The following JAKMIP2 variants were observed in gnomAD, a reference collection of about 807,000 sequenced individuals.
The protein encoded by JAKMIP2 is janus kinase and microtubule-interacting protein 2.
In JAKMIP2, 25 loss-of-function variants were observed where a neutral mutation model predicts 115.0. The observed-to-expected ratio is 0.22, with a 90% CI of 0.16 to 0.30. The LOEUF is 0.30. Among genes scored for constraint, JAKMIP2 ranks in the 10% least tolerant of loss-of-function variants. The pLI is 1.00. For synonymous variants in JAKMIP2, 334 were observed against 343.6 expected, an observed-to-expected ratio of 0.97 and a Z score of 0.31; for missense variants, 642 against 957.6, an observed-to-expected ratio of 0.67 and a Z score of 4.35.
chr5:147,605,925 T>A (rs1755985734), intron 20 of JAKMIP2, among the ~76,000 whole-genome samples: 1 of 152,246 alleles, frequency 6.6e-6, no homozygotes, highest in Admixed American at 6.5e-5. Context: ...TGCATTTCTC[T>A]AATGACCAGT....
chr5:147,725,363 T>C (rs1753477413), intron 1 of JAKMIP2, among the ~76,000 whole-genome samples: 1 of 152,136 alleles, frequency 6.6e-6, no homozygotes, highest in South Asian at 2.1e-4. Context: ...GGAGTGGCCA[T>C]TCTTTATTCT....
chr5:147,674,035 C>A (rs1404742939), intron 1 of JAKMIP2, among the ~76,000 whole-genome samples: 1 of 152,116 alleles, frequency 6.6e-6, no homozygotes, highest in African/African-American at 2.4e-5. Flanking sequence ...TATATACATA[C>A]AACACTTTAC....
chr5:147,647,856 C>A (rs1207604812), intron 5 of JAKMIP2, among the ~76,000 whole-genome samples: 1 of 152,156 alleles, frequency 6.6e-6, no homozygotes, highest in Admixed American at 6.5e-5. Flanking sequence ...TGTAGAAGCA[C>A]TGTTCTTCTC....
chr5:147,627,269 G>C (rs1224797484), intron 16 of JAKMIP2, among the ~76,000 whole-genome samples: 1 of 152,132 alleles, frequency 6.6e-6, no homozygotes, highest in African/African-American at 2.4e-5. Context: ...GGGCTTGGAT[G>C]AACAGGCAGG....
intron 1 of JAKMIP2, among the ~76,000 whole-genome samples, chr5:147,700,298 T>A: frequency 6.6e-6 from 1 of 151,646 alleles, no homozygotes; most frequent in African/African-American, 2.4e-5. Context: ...AATCAAACCT[T>A]TAGGATGGAG....
chr5:147,619,687 T>G (rs959472818), intron 18 of JAKMIP2, among the ~76,000 whole-genome samples: 3 of 152,178 alleles, frequency 2.0e-5, no homozygotes, highest in Admixed American at 6.5e-5. Context: ...TAGAGGGGAA[T>G]GGATCACATG....
intron 1 of JAKMIP2, among the ~76,000 whole-genome samples, chr5:147,748,306 C>G (rs1754425518): frequency 6.6e-6 from 1 of 152,098 alleles, no homozygotes; most frequent in Non-Finnish European, 1.5e-5. Flanking sequence ...AGAACAGTTT[C>G]TGGCCAATTC....
rs1366567348 is a variant in JAKMIP2, at chr5:147,650,472, G to A, written c.703C>T (p.Gln235Ter). 6.2e-7 allele frequency: 1 copy of A among 1,613,728 alleles called. No individual in the cohort carries two copies. The highest frequency in any genetic ancestry group is 8.5e-7 in the Non-Finnish European group (1 of 1,179,806). ...GCCTCCTTCTGAAGTTGGAGTTTCT[G>A]TACATAGCCTGTCTGGGTCTCCAGT... is the stretch of plus-strand genomic sequence containing the variant. ...KELETQTGYV[Q>*]KLQLQKEALD... Residue 235 changes from glutamine to a stop codon, truncating the protein, a stop_gained, in exon 4 of 22, where the codon CAG becomes TAG. Transcript: ENST00000616793. LOFTEE classifies it high-confidence loss of function.
At chr5:147,687,625 A>G (rs1429471299) in intron 1 of JAKMIP2, among the ~76,000 whole-genome samples, 1 of 152,220 alleles carries the variant, frequency 6.6e-6, no homozygotes, top group Non-Finnish European at 1.5e-5. Flanking sequence ...AACATGCAGA[A>G]GGAGGAGAGA....
At chr5:147,612,092 C>A in intron 20 of JAKMIP2, 2 of 710,002 alleles carry the variant, frequency 2.8e-6, no homozygotes, top group South Asian at 2.7e-5. Context: ...AGGAAAGCAA[C>A]ACAAAAGACA....
At chr5:147,693,581 TA>T (rs952850705) in intron 1 of JAKMIP2, among the ~76,000 whole-genome samples, 30 of 151,268 alleles carry the variant, frequency 2.0e-4, no homozygotes, top group African/African-American at 6.3e-4. Flanking sequence ...CATTTTTTAA[TA>T]AAAAAAGGGG....
chr5:147,711,356 T>C (rs1277518834), intron 1 of JAKMIP2, among the ~76,000 whole-genome samples: 3 of 152,184 alleles, frequency 2.0e-5, no homozygotes, highest in Non-Finnish European at 4.4e-5. Context: ...AGTATTTATT[T>C]TGCATTGGGT....
intron 1 of JAKMIP2, among the ~76,000 whole-genome samples, chr5:147,769,445 G>C (rs1755269908): frequency 6.6e-6 from 1 of 152,048 alleles, no homozygotes; most frequent in African/African-American, 2.4e-5. Context: ...AATAATCCTT[G>C]TTAGAGCTTT....
chr5:147,705,552 A>G lies in JAKMIP2; in HGVS notation c.-148-33598T>C, dbSNP rs1580809812. ...ACCACTGCACTCCAGCCTGGGTGAC[A>G]GAGTGAGACCTGTCTCAAAAAAAAA... On this transcript the variant is annotated intron_variant, in intron 1 of 21. Coordinates refer to ENST00000616793, the MANE Select transcript of JAKMIP2 (RefSeq NM_001270941.2). Among the ~76,000 whole-genome samples the G allele has an allele frequency of 2.0e-5, 3 of 152,146 alleles. No individual in the cohort carries two copies. The East Asian group carries it at 5.8e-4, about 29-fold the overall frequency.
At chr5:147,777,557 G>A (rs573646646) in intron 1 of JAKMIP2, among the ~76,000 whole-genome samples, 8 of 152,006 alleles carry the variant, frequency 5.3e-5, no homozygotes, top group South Asian at 2.1e-4. Context: ...GCTTATGAGC[G>A]GTTCTCATCT....
At chr5:147,703,592 CTT>C (rs543400413) in intron 1 of JAKMIP2, among the ~76,000 whole-genome samples, 60 of 139,458 alleles carry the variant, frequency 4.3e-4, no homozygotes, top group Non-Finnish European at 4.3e-4. Flanking sequence ...CGTACTGTAA[CTT>C]TTTTTTTTTT....
chr5:147,604,324 T>C (rs1755880637), intron 20 of JAKMIP2, among the ~76,000 whole-genome samples: 1 of 152,234 alleles, frequency 6.6e-6, no homozygotes, highest in Non-Finnish European at 1.5e-5. Context: ...GACTTACACA[T>C]TTTTAGTGTT....
chr5:147,685,229 T>C (rs988363042), intron 1 of JAKMIP2, among the ~76,000 whole-genome samples: 2 of 152,176 alleles, frequency 1.3e-5, no homozygotes, highest in East Asian at 3.8e-4. Flanking sequence ...ATGTGCTCAT[T>C]ACTAGGCAAT....
chr5:147,733,495 G>A (rs1158401766), intron 1 of JAKMIP2, among the ~76,000 whole-genome samples: 2 of 152,198 alleles, frequency 1.3e-5, no homozygotes, highest in East Asian at 3.9e-4. Flanking sequence ...TTTAAGTTCT[G>A]GGATACATGT....
Sources: allele counts gnomAD v4.1 joint callset (sites outside exome capture counted in the v4.1 genomes callset), GRCh38; gene constraint gnomAD v4.1.1; transcripts MANE v1.5; gene names NCBI Gene and HGNC (gene_info 2026-07-23, HGNC 2026-07-21).